FER: variants seen among roughly 807,000 people sequenced by gnomAD.
FER encodes the protein tyrosine-protein kinase Fer.
A neutral mutation model predicts 111.0 loss-of-function variants in FER; 63 were observed. The ratio of observed to expected loss-of-function variants is 0.57; its 90% CI spans 0.46 to 0.70. The LOEUF (loss-of-function observed/expected upper bound fraction) is 0.70. FER is among the 30% of genes least tolerant of loss of function. FER has a pLI of 0.00. For missense variants in FER, 914 were observed against 954.0 expected (o/e 0.96, Z 0.55); for synonymous variants, 327 against 313.9 (o/e 1.04, Z -0.44).
At chr5:109,148,402 G>C (rs1446673554) in intron 17 of FER, among the ~76,000 whole-genome samples, 1 of 152,080 alleles carries the variant, frequency 6.6e-6, no homozygotes, top group Admixed American at 6.6e-5. Flanking sequence ...AGAGAGAAAA[G>C]AAACAAAGAT....
chr5:108,879,671 A>G (rs1765441655), intron 8 of FER, among the ~76,000 whole-genome samples: 1 of 126,984 alleles, frequency 7.9e-6, no homozygotes, highest in South Asian at 2.4e-4. Context: ...AAATACTTTC[A>G]CCATATGTAT....
At chr5:108,880,004 C>T (rs74326608) in intron 8 of FER, among the ~76,000 whole-genome samples, 1 of 151,980 alleles carries the variant, frequency 6.6e-6, no homozygotes, top group Non-Finnish European at 1.5e-5. Flanking sequence ...AGCCACTGCT[C>T]CTGGCCTCCC....
At chr5:109,039,840 A>T (rs1193012695) in intron 14 of FER, among the ~76,000 whole-genome samples, 1 of 152,070 alleles carries the variant, frequency 6.6e-6, no homozygotes, top group Admixed American at 6.6e-5. Context: ...CTGGTGGGCA[A>T]TTTTGAGAGG....
intron 13 of FER, among the ~76,000 whole-genome samples, chr5:108,981,661 T>C (rs73778374): frequency 0.022 from 3,381 of 152,152 alleles, 103 homozygotes; most frequent in African/African-American, 0.077. Flanking sequence ...TTGTTCTAAG[T>C]GCTTTACTCA....
intron 16 of FER, among the ~76,000 whole-genome samples, chr5:109,099,677 A>G (rs1161121083): frequency 6.6e-6 from 1 of 151,636 alleles, no homozygotes; most frequent in Non-Finnish European, 1.5e-5. Context: ...CACGGTTTAA[A>G]AAAACTTTTT....
intron 17 of FER, among the ~76,000 whole-genome samples, chr5:109,130,675 G>A (rs976195579): frequency 2.6e-5 from 4 of 151,472 alleles, no homozygotes; most frequent in South Asian, 2.1e-4. Context: ...TAAATTTTAC[G>A]TTGTTTTGTC....
chr5:108,839,000 G>T (rs184886724), intron 5 of FER, among the ~76,000 whole-genome samples: 14 of 152,084 alleles, frequency 9.2e-5, no homozygotes, highest in Admixed American at 7.2e-4. Context: ...ACTTGGAGGT[G>T]TTTCTTTTTT....
intron 10 of FER, among the ~76,000 whole-genome samples, chr5:108,901,381 A>G (rs1160649425): frequency 2.0e-5 from 3 of 152,176 alleles, no homozygotes; most frequent in Non-Finnish European, 4.4e-5. Flanking sequence ...AAAGCTGTGT[A>G]ATAAAGACAG....
chr5:108,921,134 C>A (rs573977515), intron 10 of FER, among the ~76,000 whole-genome samples: 19 of 152,126 alleles, frequency 1.2e-4, no homozygotes, highest in Non-Finnish European at 2.2e-4. Flanking sequence ...CCCTATCAGA[C>A]CCCTGTCATC....
Position 109,065,037 on chromosome 5 carries a change from C to T in FER, c.1924+17839C>T, listed in dbSNP as rs1488485588. Among the ~76,000 whole-genome samples, 3 of 152,102 alleles carry T rather than the reference C, an allele frequency of 2.0e-5. No homozygotes were observed. In the South Asian group the frequency reaches 6.2e-4, roughly 32 times the overall value. The stretch of plus-strand genomic sequence containing the variant: ...GCAAATGTTAGAGGTGTGAGCAGGA[C>T]TAGTGTAACTGGTGAATTCAATTGA... On this transcript the variant is annotated intron_variant, in intron 16 of 19. Coordinates refer to ENST00000281092, the MANE Select transcript of FER (RefSeq NM_005246.4).
At chr5:109,042,120 C>T (rs1188423849) in intron 14 of FER, among the ~76,000 whole-genome samples, 1 of 152,020 alleles carries the variant, frequency 6.6e-6, no homozygotes, top group East Asian at 1.9e-4. Context: ...AAAGAAGGAT[C>T]AAATAGAAGT....
intron 13 of FER, among the ~76,000 whole-genome samples, chr5:109,012,665 T>A (rs1191591790): frequency 6.6e-6 from 1 of 152,260 alleles, no homozygotes; most frequent in Non-Finnish European, 1.5e-5. Context: ...AGAGTTTTGT[T>A]CAAAGAAATA....
chr5:109,123,490 CTT>C lies in FER; in HGVS notation c.2048+22976_2048+22977del, dbSNP rs534454415. 2.1e-4 allele frequency among the ~76,000 whole-genome samples: 32 copies of C among 151,386 alleles called. 1 individual carries two copies. The South Asian group carries it at 6.1e-3, about 29-fold the overall frequency. On this transcript the variant is annotated intron_variant, in intron 17 of 19. Coordinates refer to ENST00000281092, the MANE Select transcript of FER (RefSeq NM_005246.4). ...GTTGGTTTTTTTTTAGTGAAGGTGA[CTT>C]TTTTCTGGTGCTATATTTTAATTTC...
rs369854814 is a variant in FER at position 109,153,027 on chromosome 5, A to G, written c.2049-27720A>G. On this transcript the variant is annotated intron_variant, in intron 17 of 19. Transcript: ENST00000281092. ...AAGATACCATAGCTATATACATGGT[A>G]TATGTGTATAGCTAAACTCAAGTGA... 2.2e-4 allele frequency among the ~76,000 whole-genome samples: 33 copies of G among 152,048 alleles called. No individual in the cohort carries two copies. In the East Asian group the frequency reaches 3.7e-3, roughly 17 times the overall value.
intron 17 of FER, among the ~76,000 whole-genome samples, chr5:109,170,283 T>C (rs772116686): frequency 1.7e-4 from 26 of 152,186 alleles, no homozygotes; most frequent in Non-Finnish European, 2.9e-5. Context: ...AGGGGCTTTA[T>C]TTCATTCATC....
chr5:108,837,569 T>A (rs1005726066), intron 5 of FER, among the ~76,000 whole-genome samples: 3 of 152,176 alleles, frequency 2.0e-5, no homozygotes, highest in Non-Finnish European at 2.9e-5. Flanking sequence ...AATCCAGCTA[T>A]GTTGTGTATT....
intron 5 of FER, among the ~76,000 whole-genome samples, chr5:108,858,672 A>G (rs1254595099): frequency 6.6e-6 from 1 of 152,056 alleles, no homozygotes; most frequent in Non-Finnish European, 1.5e-5. Context: ...TTTCTTACAC[A>G]AAACTACGAT....
At chr5:109,109,167 C>T (rs1001492337) in intron 17 of FER, among the ~76,000 whole-genome samples, 1 of 152,118 alleles carries the variant, frequency 6.6e-6, no homozygotes, top group Admixed American at 6.6e-5. Flanking sequence ...AGGTTTTCAA[C>T]AAATTAGCTG....
At position 109,184,428 on chromosome 5, in the gene FER, G is replaced by T. The variant is rs148575626; in HGVS notation, c.2204-1772G>T. 9.7e-4 allele frequency among the ~76,000 whole-genome samples: 148 copies of T among 152,260 alleles called. 2 individuals are homozygous for T. The highest frequency in any genetic ancestry group is 3.2e-3 in the African/African-American group (133 of 41,552). On this transcript the variant is annotated intron_variant, in intron 18 of 19. Coordinates refer to ENST00000281092, the MANE Select transcript of FER (RefSeq NM_005246.4). ...GCTATACAATTGTAAGTTACTCTTG[G>T]TCTGTTAAAATTACCCAACAAAACC... is the stretch of plus-strand genomic sequence containing the variant.
Sources: allele counts gnomAD v4.1 joint callset (sites outside exome capture counted in the v4.1 genomes callset), GRCh38; gene constraint gnomAD v4.1.1; transcripts MANE v1.5; gene names NCBI Gene and HGNC (gene_info 2026-07-23, HGNC 2026-07-21).